KCNJ16: variants seen among roughly 807,000 people sequenced by gnomAD.
KCNJ16 encodes the protein inward rectifier potassium channel 16.
In KCNJ16, 15 loss-of-function variants were observed where a neutral mutation model predicts 18.5. The observed-to-expected ratio is 0.81, with a 90% confidence interval of 0.54 to 1.25. KCNJ16 has a LOEUF of 1.25. KCNJ16 is among the 50% of genes most tolerant of loss of function. The pLI, the probability that KCNJ16 is intolerant of heterozygous loss-of-function variation, is 0.00. For missense variants in KCNJ16, 523 were observed against 525.7 expected (o/e 0.99, Z 0.05); for synonymous variants, 174 against 186.5 (o/e 0.93, Z 0.55).
chr17:70,087,428 G>A (rs771115662), intron 1 of KCNJ16, among the ~76,000 whole-genome samples: 3 of 152,100 alleles, frequency 2.0e-5, no homozygotes, highest in Admixed American at 6.5e-5. Flanking sequence ...GAGGCCAGGC[G>A]CGGTAGCTCA....
intron 1 of KCNJ16, among the ~76,000 whole-genome samples, chr17:70,091,503 GGATTTTCTCCTTAATA>G (rs2072089486): frequency 6.6e-6 from 1 of 151,998 alleles, no homozygotes; most frequent in Admixed American, 6.5e-5. Context: ...ATAAATAATG[GGATTTTCTCCTTAATA>G]GGATTTGCTG....
intron 3 of KCNJ16, chr17:70,131,478 A>C: frequency 1.0e-6 from 1 of 999,082 alleles, no homozygotes; most frequent in African/African-American, 1.7e-5. Context: ...CCAGGTGCTG[A>C]AGGTGAGGGA....
At chr17:70,098,214 G>T (rs1307998140) in intron 1 of KCNJ16, among the ~76,000 whole-genome samples, 1 of 152,154 alleles carries the variant, frequency 6.6e-6, no homozygotes, top group Non-Finnish European at 1.5e-5. Flanking sequence ...AGTATGAATA[G>T]AGTAAGGGTG....
At position 70,132,121 on chromosome 17, in the gene KCNJ16, A is replaced by T. The variant is rs755171685; in HGVS notation, c.34A>T (p.Asn12Tyr). Residue 12 changes from asparagine (N) to tyrosine (Y), a missense_variant, in exon 4 of 4, where the codon AAT becomes TAT. Coordinates refer to ENST00000392671, the MANE Select transcript of KCNJ16 (RefSeq NM_170741.4). Reference sequence around the variant, plus strand: ...TTACGGCAGCAGCTATCATATTATCAATGCGGACGCAAAATACCCAGGCTA... The same window carrying T: ...TTACGGCAGCAGCTATCATATTATCTATGCGGACGCAAAATACCCAGGCTA... ...SYYGSSYHII[N>Y]ADAKYPGYPP... The T allele has an allele frequency of 6.2e-7, 1 of 1,614,226 alleles. No homozygotes were observed. Among genetic ancestry groups the T allele is most frequent in the Non-Finnish European group, 8.5e-7 (1 of 1,180,030 alleles).
chr17:70,092,554 A>G (rs1412822386), intron 1 of KCNJ16, among the ~76,000 whole-genome samples: 1 of 108,798 alleles, frequency 9.2e-6, no homozygotes, highest in Admixed American at 9.8e-5. Flanking sequence ...ATAGATATAG[A>G]TAGATGATAG....
At chr17:70,121,684 C>CT (rs1463172341) in intron 2 of KCNJ16, among the ~76,000 whole-genome samples, 1 of 152,060 alleles carries the variant, frequency 6.6e-6, no homozygotes, top group Non-Finnish European at 1.5e-5. Context: ...AATCCGAGCA[C>CT]TTTGGGAGGC....
At chr17:70,081,540 A>C (rs1047949658) in intron 1 of KCNJ16, among the ~76,000 whole-genome samples, 1 of 152,188 alleles carries the variant, frequency 6.6e-6, no homozygotes, top group East Asian at 1.9e-4. Flanking sequence ...GTACAATAGA[A>C]ATCAGGGCAA....
At chr17:70,101,025 T>C (rs2072596988) in intron 2 of KCNJ16, 1 of 152,266 alleles carries the variant, frequency 6.6e-6, no homozygotes, top group Non-Finnish European at 1.5e-5. Flanking sequence ...GCTATTTATA[T>C]ATTTTGTGAA....
At chr17:70,085,597 A>G (rs977808295) in intron 1 of KCNJ16, among the ~76,000 whole-genome samples, 10 of 152,218 alleles carry the variant, frequency 6.6e-5, no homozygotes, top group African/African-American at 2.2e-4. Flanking sequence ...ACCTTTGTAC[A>G]TAACTCCAAG....
chr17:70,098,145 A>C (rs2072463678), intron 1 of KCNJ16, among the ~76,000 whole-genome samples: 1 of 152,198 alleles, frequency 6.6e-6, no homozygotes, highest in Admixed American at 6.5e-5. Context: ...AATTTAAAAA[A>C]AATTTTCCTA....
intron 1 of KCNJ16, among the ~76,000 whole-genome samples, chr17:70,094,668 C>T (rs538250298): frequency 1.3e-5 from 2 of 151,988 alleles, no homozygotes; most frequent in Admixed American, 6.6e-5. Flanking sequence ...TAAACAAATT[C>T]GAGGTGGTAG....
At chr17:70,077,813 A>C (rs1331475697) in intron 1 of KCNJ16, among the ~76,000 whole-genome samples, 2 of 152,084 alleles carry the variant, frequency 1.3e-5, no homozygotes, top group Non-Finnish European at 2.9e-5. Context: ...AAATGAAAGT[A>C]AACTCAAATA....
intron 1 of KCNJ16, among the ~76,000 whole-genome samples, chr17:70,082,623 A>T (rs1004902147): frequency 1.2e-4 from 18 of 152,182 alleles, no homozygotes; most frequent in African/African-American, 4.3e-4. Flanking sequence ...AAACATGACA[A>T]TTGCTTGTCG....
chr17:70,077,196 C>A (rs2143496558), intron 1 of KCNJ16, among the ~76,000 whole-genome samples: 1 of 152,280 alleles, frequency 6.6e-6, no homozygotes, highest in South Asian at 2.1e-4. Context: ...ACATGAGGTC[C>A]TGTAGATGTG....
At chr17:70,080,144 T>C (rs772658096) in intron 1 of KCNJ16, among the ~76,000 whole-genome samples, 9 of 152,204 alleles carry the variant, frequency 5.9e-5, no homozygotes, top group Non-Finnish European at 1.3e-4. Context: ...TTGCTTCCTC[T>C]TCCATTAAAA....
At chr17:70,110,369 GC>G (rs1254233915) in intron 2 of KCNJ16, among the ~76,000 whole-genome samples, 2 of 152,096 alleles carry the variant, frequency 1.3e-5, no homozygotes, top group African/African-American at 4.8e-5. Context: ...AGTGAAAACA[GC>G]CTTTGGTCCT....
chr17:70,081,767 T>C (rs566037663), intron 1 of KCNJ16, among the ~76,000 whole-genome samples: 7 of 151,786 alleles, frequency 4.6e-5, no homozygotes, highest in Non-Finnish European at 8.8e-5. Flanking sequence ...AGTCCAAAAT[T>C]GTGTCCTTGA....
At position 70,134,486 on chromosome 17, in the gene KCNJ16, G is replaced by T. The variant is rs191446261; in HGVS notation, c.*1142G>T. On this transcript the variant is annotated 3_prime_UTR_variant, in exon 4 of 4. Coordinates refer to ENST00000392671, the MANE Select transcript of KCNJ16 (RefSeq NM_170741.4). ...AGATAGAATTCAATTAAAGCGATTTGAATGCACAGTAAGTGGATAATCTGA... is the reference window on the plus strand; with the variant it reads ...AGATAGAATTCAATTAAAGCGATTTTAATGCACAGTAAGTGGATAATCTGA... 6.0e-6 allele frequency: 1 copy of T among 167,058 alleles called. No individual in the cohort carries two copies. 10.3% of individuals were successfully genotyped at this position (167,058 alleles called of 1,614,324 possible).
intron 2 of KCNJ16, among the ~76,000 whole-genome samples, chr17:70,128,366 T>TA (rs1454581446): frequency 6.6e-6 from 1 of 152,218 alleles, no homozygotes; most frequent in African/African-American, 2.4e-5. Flanking sequence ...ATGAGTAAGA[T>TA]ACGAGAAAAG....
Sources: allele counts gnomAD v4.1 joint callset (sites outside exome capture counted in the v4.1 genomes callset), GRCh38; gene constraint gnomAD v4.1.1; transcripts MANE v1.5; gene names NCBI Gene and HGNC (gene_info 2026-07-23, HGNC 2026-07-21).